The following ELOVL5 variants were observed in gnomAD, a reference collection of about 807,000 sequenced individuals.
ELOVL5 encodes ELOVL fatty acid elongase 5, also known as very long chain fatty acid elongase 5.
In ELOVL5, 8 loss-of-function variants were observed where a neutral mutation model predicts 38.6. The observed-to-expected ratio is 0.21, with a 90% confidence interval of 0.12 to 0.37. The LOEUF (loss-of-function observed/expected upper bound fraction) is 0.37. Among genes scored for constraint, ELOVL5 ranks in the 10% least tolerant of loss-of-function variants. ELOVL5 has a pLI of 1.00. For synonymous variants in ELOVL5, 127 were observed against 133.7 expected (o/e 0.95, Z 0.34); for missense variants, 280 against 367.8 (o/e 0.76, Z 1.95).
At chr6:53,338,765 G>A (rs1371589457) in intron 1 of ELOVL5, among the ~76,000 whole-genome samples, 1 of 152,236 alleles carries the variant, frequency 6.6e-6, no homozygotes, top group Non-Finnish European at 1.5e-5. Flanking sequence ...AACTGCTGAT[G>A]GTTCTTATCT....
intron 1 of ELOVL5, among the ~76,000 whole-genome samples, chr6:53,321,335 G>C (rs1768297275): frequency 6.6e-6 from 1 of 152,214 alleles, no homozygotes; most frequent in Non-Finnish European, 1.5e-5. Context: ...TTACCTGCAT[G>C]AAGGCTGCCA....
At chr6:53,292,128 C>G (rs780307792) in intron 2 of ELOVL5, among the ~76,000 whole-genome samples, 165 bp from the exon 3 acceptor site, 5 of 152,054 alleles carry the variant, frequency 3.3e-5, no homozygotes, top group Non-Finnish European at 7.4e-5. Context: ...ACATATCAAA[C>G]AAGGTGAAGC....
At chr6:53,270,332 C>T (rs1765874692) in intron 7 of ELOVL5, among the ~76,000 whole-genome samples, 1 of 152,176 alleles carries the variant, frequency 6.6e-6, no homozygotes, top group Non-Finnish European at 1.5e-5. Context: ...CAGAGGGAAG[C>T]AACATAGGGT....
chr6:53,286,779 T>C (rs954539202), intron 3 of ELOVL5, among the ~76,000 whole-genome samples: 26 of 152,146 alleles, frequency 1.7e-4, no homozygotes, highest in Non-Finnish European at 3.2e-4. Flanking sequence ...AAAATCTATT[T>C]GAAAAAGAGT....
At chr6:53,313,714 A>G (rs746211640) in intron 1 of ELOVL5, among the ~76,000 whole-genome samples, 30 of 148,488 alleles carry the variant, frequency 2.0e-4, no homozygotes, top group Non-Finnish European at 2.2e-4. Context: ...AATGAAAAAT[A>G]ATAAAAGTTT....
chr6:53,284,955 TC>T (rs1278748944), intron 3 of ELOVL5, among the ~76,000 whole-genome samples: 1 of 152,136 alleles, frequency 6.6e-6, no homozygotes, highest in Non-Finnish European at 1.5e-5. Flanking sequence ...GACTTGCTGT[TC>T]CCCCTAACCA....
intron 1 of ELOVL5, among the ~76,000 whole-genome samples, chr6:53,306,716 T>C (rs1332460763): frequency 6.6e-6 from 1 of 152,222 alleles, no homozygotes; most frequent in Non-Finnish European, 1.5e-5. Flanking sequence ...GGTTCACCAC[T>C]GTAGAAAATT....
intron 3 of ELOVL5, among the ~76,000 whole-genome samples, chr6:53,284,709 T>C (rs1766496965): frequency 6.6e-6 from 1 of 152,226 alleles, no homozygotes; most frequent in Non-Finnish European, 1.5e-5. Flanking sequence ...GGTACCATTT[T>C]TACAACAGCA....
At chr6:53,330,516 A>ACTTTT (rs1768751667) in intron 1 of ELOVL5, among the ~76,000 whole-genome samples, 1 of 84,844 alleles carries the variant, frequency 1.2e-5, no homozygotes, top group Admixed American at 1.2e-4. Flanking sequence ...TTCTTTATAA[A>ACTTTT]CTTTTTTTTT....
At chr6:53,276,850 C>T (rs750164687) in intron 3 of ELOVL5, 1 of 151,968 alleles carries the variant, frequency 6.6e-6, no homozygotes, top group Non-Finnish European at 1.5e-5. Flanking sequence ...TTCATTATTT[C>T]CTGTTGTTGT....
intron 1 of ELOVL5, among the ~76,000 whole-genome samples, chr6:53,308,963 G>T (rs911209191): frequency 6.6e-6 from 1 of 151,998 alleles, no homozygotes; most frequent in Non-Finnish European, 1.5e-5. Context: ...TCAAGATAGA[G>T]ATCAGTTCTC....
At chr6:53,320,570 A>G (rs902758734) in intron 1 of ELOVL5, among the ~76,000 whole-genome samples, 13 of 151,650 alleles carry the variant, frequency 8.6e-5, no homozygotes, top group African/African-American at 2.7e-4. Context: ...TGATCCACCC[A>G]CCTCGGCCTC....
intron 1 of ELOVL5, among the ~76,000 whole-genome samples, chr6:53,346,718 T>C (rs139222935): frequency 6.6e-6 from 1 of 152,250 alleles, no homozygotes; most frequent in African/African-American, 2.4e-5. Context: ...TCAAGAAAAG[T>C]AAACAGTTTT....
At chr6:53,311,355 T>C (rs1767823799) in intron 1 of ELOVL5, among the ~76,000 whole-genome samples, 1 of 152,148 alleles carries the variant, frequency 6.6e-6, no homozygotes, top group South Asian at 2.1e-4. Context: ...ATGGAGAAAG[T>C]GAAATACTCA....
At chr6:53,318,407 T>TTA (rs1768144379) in intron 1 of ELOVL5, among the ~76,000 whole-genome samples, 1 of 152,244 alleles carries the variant, frequency 6.6e-6, no homozygotes, top group Non-Finnish European at 1.5e-5. Context: ...TCAGATGAGA[T>TTA]GGTTCATGTA....
chr6:53,296,819 A>G (rs1767020785), intron 1 of ELOVL5, among the ~76,000 whole-genome samples: 1 of 152,230 alleles, frequency 6.6e-6, no homozygotes, highest in African/African-American at 2.4e-5. Flanking sequence ...CATCAATATT[A>G]TAACGTCCAA....
intron 1 of ELOVL5, among the ~76,000 whole-genome samples, chr6:53,343,822 T>C (rs1769428983): frequency 6.6e-6 from 1 of 152,176 alleles, no homozygotes; most frequent in Non-Finnish European, 1.5e-5. Context: ...TATAAACCTG[T>C]AACGTGAAGC....
chr6:53,305,329 C>A (rs1281198589), intron 1 of ELOVL5, among the ~76,000 whole-genome samples: 1 of 125,564 alleles, frequency 8.0e-6, no homozygotes, highest in Non-Finnish European at 1.7e-5. Context: ...GGGCAGGGGG[C>A]TGACCCCCCC....
rs144043724 is a variant in ELOVL5 at position 53,302,885 on chromosome 6, T to G, written c.-8-7178A>C. Among the ~76,000 whole-genome samples, 22 of 152,286 alleles carry G rather than the reference T, an allele frequency of 1.4e-4. No individual in the cohort carries two copies. The East Asian group carries it at 4.1e-3, about 28-fold the overall frequency. On this transcript the variant is annotated intron_variant, in intron 1 of 7. Coordinates refer to ENST00000304434, the MANE Select transcript of ELOVL5 (RefSeq NM_021814.5). ...TATTGTCTAGCTTAACTTCATCATA[T>G]CCTGCTTTACTTTTTTTTTAACGGT... is the stretch of plus-strand genomic sequence containing the variant.
Sources: gnomAD v4.1 joint callset for allele counts (sites outside exome capture counted in the v4.1 genomes callset) on GRCh38, gnomAD v4.1.1 for gene constraint, MANE v1.5 for transcripts, NCBI Gene and HGNC (gene_info 2026-07-23, HGNC 2026-07-21) for gene names.